ALCAM: variants seen among roughly 807,000 people sequenced by gnomAD.
ALCAM encodes the protein activated leukocyte cell adhesion molecule.
ALCAM carries 30 observed loss-of-function variants against 70.9 expected under a neutral mutation model. The observed-to-expected ratio is 0.42, with a 90% CI of 0.32 to 0.57. ALCAM has a LOEUF of 0.57. Among genes scored for constraint, ALCAM ranks in the 20% least tolerant of loss-of-function variants. The probability of loss-of-function intolerance (pLI) is 0.11; values close to 1 mark genes in which losing one functional copy is unlikely to be tolerated. For missense variants in ALCAM, 591 were observed against 695.1 expected, an observed-to-expected ratio of 0.85 and a Z score of 1.68; for synonymous variants, 249 against 242.5, an observed-to-expected ratio of 1.03 and a Z score of -0.25.
rs1489528993 is a variant in ALCAM, at chr3:105,487,135, T to C, written c.74-32932T>C. ...GATGCAAGAGTTGGAAATTTTTGAG[T>C]TGGAGTAACTATTTTTTAAAAAAAC... On this transcript the variant is annotated intron_variant, in intron 1 of 15. Coordinates refer to ENST00000306107, the MANE Select transcript of ALCAM (RefSeq NM_001627.4). Among the ~76,000 whole-genome samples the C allele has an allele frequency of 2.0e-5, 3 of 150,450 alleles. No homozygotes were observed. In the East Asian group the frequency reaches 5.9e-4, roughly 29 times the overall value.
At chr3:105,426,070 C>A (rs1229495206) in intron 1 of ALCAM, among the ~76,000 whole-genome samples, 1 of 151,792 alleles carries the variant, frequency 6.6e-6, no homozygotes, top group Non-Finnish European at 1.5e-5. Flanking sequence ...CTATGTTTCA[C>A]ATGTTAAAGT....
chr3:105,369,389 G>A (rs940628496), intron 1 of ALCAM, among the ~76,000 whole-genome samples: 2 of 152,202 alleles, frequency 1.3e-5, no homozygotes, highest in Admixed American at 1.3e-4. Context: ...TTCGGCGAGC[G>A]GCTAGCCCCG....
At chr3:105,374,372 AT>A (rs1417608868) in intron 1 of ALCAM, among the ~76,000 whole-genome samples, 3 of 152,090 alleles carry the variant, frequency 2.0e-5, no homozygotes, top group Non-Finnish European at 2.9e-5. Context: ...CCTGGCCAAT[AT>A]TGTGTAACTC....
At chr3:105,383,548 G>T (rs558690528) in intron 1 of ALCAM, among the ~76,000 whole-genome samples, 18 of 151,742 alleles carry the variant, frequency 1.2e-4, no homozygotes, top group Non-Finnish European at 2.5e-4. Context: ...TGAGAAAATT[G>T]TTCAATTTCT....
chr3:105,438,883 TGAAGGAAG>T (rs547616602), intron 1 of ALCAM, among the ~76,000 whole-genome samples: 1 of 148,618 alleles, frequency 6.7e-6, no homozygotes, highest in Non-Finnish European at 1.5e-5. Context: ...AATAAATAAA[TGAAGGAAG>T]GAAGGAAGGA....
At chr3:105,511,895 A>G (rs757122335) in intron 1 of ALCAM, among the ~76,000 whole-genome samples, 1 of 151,934 alleles carries the variant, frequency 6.6e-6, no homozygotes, top group Non-Finnish European at 1.5e-5. Context: ...TAGTAGCCCT[A>G]ATAATCCACT....
chr3:105,394,038 C>G (rs1185488413), intron 1 of ALCAM, among the ~76,000 whole-genome samples: 1 of 151,734 alleles, frequency 6.6e-6, no homozygotes, highest in African/African-American at 2.4e-5. Context: ...TATTTCGAGT[C>G]CATTCTTTCA....
At chr3:105,569,667 C>T (rs1466017078) in intron 14 of ALCAM, among the ~76,000 whole-genome samples, 2 of 152,082 alleles carry the variant, frequency 1.3e-5, no homozygotes, top group Admixed American at 1.3e-4. Flanking sequence ...TTTTGGATGC[C>T]TACCATGTTC....
At chr3:105,527,629 G>A (rs1262770219) in intron 3 of ALCAM, among the ~76,000 whole-genome samples, 4 of 151,988 alleles carry the variant, frequency 2.6e-5, no homozygotes, top group African/African-American at 9.6e-5. Flanking sequence ...AGTTGCTCCA[G>A]CTCTAAAAAA....
chr3:105,419,693 A>T (rs939322882), intron 1 of ALCAM, among the ~76,000 whole-genome samples: 1 of 151,836 alleles, frequency 6.6e-6, no homozygotes, highest in Non-Finnish European at 1.5e-5. Flanking sequence ...AGAAAGTATT[A>T]GTTGTCCCAA....
intron 1 of ALCAM, among the ~76,000 whole-genome samples, chr3:105,428,320 A>G (rs921210549): frequency 6.6e-6 from 1 of 151,834 alleles, no homozygotes; most frequent in African/African-American, 2.4e-5. Flanking sequence ...CACATCAACA[A>G]TTTTCTTTCT....
Position 105,384,046 on chromosome 3 carries a change from C to T in ALCAM, c.73+16565C>T, listed in dbSNP as rs188560859. Among the ~76,000 whole-genome samples the T allele has an allele frequency of 6.6e-5, 10 of 151,720 alleles. No individual in the cohort carries two copies. In the East Asian group the frequency reaches 1.9e-3, roughly 29 times the overall value. On this transcript the variant is annotated intron_variant, in intron 1 of 15. Transcript: ENST00000306107. ...TTGTACCACTGAAAATACATCTGTA[C>T]TGTGGACCATGTCTTGGATGCTTTT... is the stretch of plus-strand genomic sequence containing the variant.
chr3:105,416,672 T>C (rs1936515068), intron 1 of ALCAM, among the ~76,000 whole-genome samples: 1 of 152,042 alleles, frequency 6.6e-6, no homozygotes, highest in South Asian at 2.1e-4. Flanking sequence ...TGAATTATCA[T>C]TGACACATCT....
At chr3:105,377,431 T>C (rs1935405571) in intron 1 of ALCAM, among the ~76,000 whole-genome samples, 2 of 152,056 alleles carry the variant, frequency 1.3e-5, no homozygotes, top group Admixed American at 6.6e-5. Context: ...GCTCAAAGAG[T>C]ACACATCTTT....
chr3:105,533,545 T>C, intron 4 of ALCAM, 58 bp from the exon 5 acceptor site: 4 of 1,496,476 alleles, frequency 2.7e-6, no homozygotes, highest in Non-Finnish European at 3.7e-6. Flanking sequence ...TTCTGGAGTT[T>C]CCAAATTGAC....
intron 1 of ALCAM, among the ~76,000 whole-genome samples, chr3:105,387,114 G>T (rs570510994): frequency 2.0e-4 from 30 of 151,486 alleles, no homozygotes; most frequent in African/African-American, 7.2e-4. Flanking sequence ...AATAACTGAG[G>T]ACTAATTATA....
intron 15 of ALCAM, among the ~76,000 whole-genome samples, chr3:105,572,852 A>G (rs1940886554): frequency 1.3e-5 from 2 of 152,234 alleles, no homozygotes; most frequent in Non-Finnish European, 2.9e-5. Flanking sequence ...TTATCTTCTG[A>G]ATAATAAAAA....
At chr3:105,415,455 T>A (rs1452587440) in intron 1 of ALCAM, among the ~76,000 whole-genome samples, 1 of 152,034 alleles carries the variant, frequency 6.6e-6, no homozygotes, top group African/African-American at 2.4e-5. Flanking sequence ...GCATAGGAAA[T>A]AAACATTTCT....
chr3:105,378,865 G>A (rs1433725401), intron 1 of ALCAM, among the ~76,000 whole-genome samples: 1 of 151,964 alleles, frequency 6.6e-6, no homozygotes, highest in Non-Finnish European at 1.5e-5. Flanking sequence ...TCCATCCAAA[G>A]TGTTTGGTTA....
Sources: allele counts gnomAD v4.1 joint callset (sites outside exome capture counted in the v4.1 genomes callset), GRCh38; gene constraint gnomAD v4.1.1; transcripts MANE v1.5; gene names NCBI Gene and HGNC (gene_info 2026-07-23, HGNC 2026-07-21).